NFIA: variants seen among roughly 807,000 people sequenced by gnomAD.
NFIA encodes the protein nuclear factor I A, also known as nuclear factor 1 A-type.
In NFIA, 8 loss-of-function variants were observed where a neutral mutation model predicts 62.8. The observed-to-expected ratio is 0.13, with a 90% CI of 0.07 to 0.23. NFIA has a LOEUF of 0.23. NFIA is among the 10% of genes least tolerant of loss of function. NFIA has a pLI of 1.00. For missense variants in NFIA, 410 were observed against 642.1 expected, an observed-to-expected ratio of 0.64 and a Z score of 3.91; for synonymous variants, 235 against 238.1, an observed-to-expected ratio of 0.99 and a Z score of 0.12.
chr1:61,435,150 A>G (rs2100566186), intron 10 of NFIA, among the ~76,000 whole-genome samples: 1 of 152,312 alleles, frequency 6.6e-6, no homozygotes, highest in African/African-American at 2.4e-5. Flanking sequence ...CTGGGTACTC[A>G]CCAGGTTTCT....
At chr1:61,238,466 C>A (rs1226026563) in intron 2 of NFIA, among the ~76,000 whole-genome samples, 1 of 152,112 alleles carries the variant, frequency 6.6e-6, no homozygotes, top group Non-Finnish European at 1.5e-5. Context: ...TGCAGTTGTT[C>A]CCTTGTCTCC....
intron 2 of NFIA, among the ~76,000 whole-genome samples, chr1:61,126,437 A>AACACAC (rs61077935): frequency 0.12 from 9,062 of 74,714 alleles, 347 homozygotes; most frequent in Non-Finnish European, 0.16. Context: ...TTTGAAAATG[A>AACACAC]ACACACACAC....
At chr1:61,434,692 T>C (rs1301465887) in intron 10 of NFIA, among the ~76,000 whole-genome samples, 1 of 152,162 alleles carries the variant, frequency 6.6e-6, no homozygotes, top group Non-Finnish European at 1.5e-5. Context: ...TGATGATTAT[T>C]GTAATAATTA....
intron 6 of NFIA, 69 bp from the exon 7 acceptor site, chr1:61,383,168 A>T: frequency 6.5e-7 from 1 of 1,549,816 alleles, no homozygotes; most frequent in Admixed American, 1.8e-5. Context: ...TTTAAATGTT[A>T]TCTTTTAGGT....
intron 3 of NFIA, among the ~76,000 whole-genome samples, chr1:61,302,687 C>G (rs1024643090): frequency 6.6e-6 from 1 of 152,148 alleles, no homozygotes; most frequent in Non-Finnish European, 1.5e-5. Context: ...GCAGGAAAAT[C>G]CAGCTGCATA....
chr1:61,339,016 A>G (rs1455777427), intron 4 of NFIA, among the ~76,000 whole-genome samples: 2 of 152,254 alleles, frequency 1.3e-5, no homozygotes, highest in Admixed American at 6.5e-5. Flanking sequence ...AATAGATTGC[A>G]GCCCTAGCAT....
chr1:61,324,158 G>A (rs946328573), intron 3 of NFIA, among the ~76,000 whole-genome samples: 14 of 152,334 alleles, frequency 9.2e-5, no homozygotes, highest in South Asian at 2.1e-4. Flanking sequence ...TCTGGTTGAT[G>A]AGGTAAACTT....
chr1:61,160,372 C>G (rs183148949), intron 2 of NFIA, among the ~76,000 whole-genome samples: 1 of 152,288 alleles, frequency 6.6e-6, no homozygotes, highest in African/African-American at 2.4e-5. Context: ...AATCTGATTT[C>G]TAATGAGCTC....
chr1:61,318,870 A>T (rs892548831), intron 3 of NFIA, among the ~76,000 whole-genome samples: 5 of 152,180 alleles, frequency 3.3e-5, no homozygotes, highest in Admixed American at 2.0e-4. Context: ...AGCTAATTTG[A>T]TATAGAAACT....
chr1:61,087,927 C>A (rs1047805145), intron 1 of NFIA, among the ~76,000 whole-genome samples: 3 of 152,064 alleles, frequency 2.0e-5, no homozygotes, highest in African/African-American at 7.2e-5. Context: ...TTTTAATTTT[C>A]AGCAGTTTTT....
intron 2 of NFIA, among the ~76,000 whole-genome samples, chr1:61,178,711 C>G (rs1650558826): frequency 6.6e-6 from 1 of 152,188 alleles, no homozygotes; most frequent in African/African-American, 2.4e-5. Context: ...CATGAGCTTA[C>G]AGTTTGCAGT....
chr1:61,334,607 A>G (rs866144163), intron 4 of NFIA, among the ~76,000 whole-genome samples: 15 of 107,026 alleles, frequency 1.4e-4, no homozygotes, highest in African/African-American at 4.3e-4. Context: ...ATATATATAT[A>G]TATATGTATC....
intron 2 of NFIA, among the ~76,000 whole-genome samples, chr1:61,259,691 G>C (rs764443711): frequency 6.6e-6 from 1 of 152,212 alleles, no homozygotes; most frequent in African/African-American, 2.4e-5. Flanking sequence ...CAGAGATTGG[G>C]AAAGAGTGTA....
At chr1:61,263,714 G>T (rs1656919643) in intron 2 of NFIA, among the ~76,000 whole-genome samples, 1 of 152,184 alleles carries the variant, frequency 6.6e-6, no homozygotes, top group Non-Finnish European at 1.5e-5. Context: ...AATAGCATTG[G>T]CTGGGCACGG....
intron 2 of NFIA, among the ~76,000 whole-genome samples, chr1:61,230,519 G>C (rs1047455026): frequency 6.6e-6 from 1 of 152,030 alleles, no homozygotes; most frequent in African/African-American, 2.4e-5. Context: ...CCTACCCTAT[G>C]TTTCCTTCAA....
intron 2 of NFIA, among the ~76,000 whole-genome samples, chr1:61,129,266 A>G (rs1017547443): frequency 6.6e-6 from 1 of 151,748 alleles, no homozygotes; most frequent in Admixed American, 6.6e-5. Flanking sequence ...AAAAGATGAC[A>G]GGTAATTTCT....
intron 10 of NFIA, among the ~76,000 whole-genome samples, chr1:61,444,985 T>C (rs1667743665): frequency 1.3e-5 from 2 of 152,234 alleles, no homozygotes. Context: ...TCTCAGTTGC[T>C]GGTAGAGCAC....
intron 2 of NFIA, among the ~76,000 whole-genome samples, chr1:61,193,943 C>CA (rs1474483233): frequency 6.6e-6 from 1 of 152,146 alleles, no homozygotes; most frequent in Non-Finnish European, 1.5e-5. Flanking sequence ...CATCCAGAGT[C>CA]AACTTAACTT....
At chr1:61,433,281 G>A (rs891735535) in intron 10 of NFIA, among the ~76,000 whole-genome samples, 3 of 152,182 alleles carry the variant, frequency 2.0e-5, no homozygotes, top group Non-Finnish European at 4.4e-5. Flanking sequence ...TCCTGCCTGG[G>A]AAGAAGACCT....
Sources: allele counts gnomAD v4.1 joint callset (sites outside exome capture counted in the v4.1 genomes callset), GRCh38; gene constraint gnomAD v4.1.1; transcripts MANE v1.5; gene names NCBI Gene and HGNC (gene_info 2026-07-23, HGNC 2026-07-21).